Variants in ST3GAL2 observed in about 807,000 individuals in gnomAD.
ST3GAL2 encodes the protein ST3 beta-galactoside alpha-2,3-sialyltransferase 2.
In ST3GAL2, 16 loss-of-function variants were observed where a neutral mutation model predicts 37.5. That is an observed-to-expected ratio of 0.43 (90% CI 0.29 to 0.65). The LOEUF is 0.65. ST3GAL2 is among the 30% of genes least tolerant of loss of function. The pLI, the probability that ST3GAL2 is intolerant of heterozygous loss-of-function variation, is 0.17. For synonymous variants in ST3GAL2, 238 were observed against 202.9 expected (o/e 1.17, Z -1.47); for missense variants, 383 against 487.8 (o/e 0.79, Z 2.02).
At chr16:70,403,232 A>G (rs1019080530) in intron 1 of ST3GAL2, among the ~76,000 whole-genome samples, 3 of 152,018 alleles carry the variant, frequency 2.0e-5, no homozygotes, top group Non-Finnish European at 4.4e-5. Flanking sequence ...GGGGAAGGGA[A>G]GAGGGGAGCA....
chr16:70,395,505 G>A (rs776765711), intron 2 of ST3GAL2, among the ~76,000 whole-genome samples: 7 of 152,182 alleles, frequency 4.6e-5, no homozygotes, highest in Admixed American at 1.3e-4. Context: ...CCTGGGCCAC[G>A]GAGCAGAGCA....
At chr16:70,421,626 T>G (rs1056167966) in intron 1 of ST3GAL2, among the ~76,000 whole-genome samples, 1 of 152,196 alleles carries the variant, frequency 6.6e-6, no homozygotes, top group South Asian at 2.1e-4. Context: ...ATCGCCCACA[T>G]GATGGTGCTA....
Position 70,388,283 on chromosome 16 carries a change from G to C in ST3GAL2, c.713+84C>G, listed in dbSNP as rs1456055835. ...CTCTTGGCCAAAATGTTCAATGAAA[G>C]GAATCCTACAATCTGGCCCCTAGAA... On this transcript the variant is annotated intron_variant, in intron 4 of 6. Coordinates refer to ENST00000342907, the MANE Select transcript of ST3GAL2 (RefSeq NM_006927.4). The C allele has an allele frequency of 1.2e-5, 19 of 1,557,298 alleles. No individual in the cohort carries two copies. The East Asian group carries it at 3.4e-4, about 28-fold the overall frequency.
intron 1 of ST3GAL2, among the ~76,000 whole-genome samples, chr16:70,403,637 C>A (rs1296839050): frequency 6.6e-6 from 1 of 152,188 alleles, no homozygotes; most frequent in Non-Finnish European, 1.5e-5. Context: ...CATGGCGAAA[C>A]CCCATCTCTA....
At position 70,403,743 on chromosome 16, in the gene ST3GAL2, T is replaced by A. The variant is rs538028330; in HGVS notation, c.-1003-4210A>T. ...CAGGAGAATTGCTTGAACCAGGGAG[T>A]CAGAGGTTGTGTGAGCTGAGATTGC... On this transcript the variant is annotated intron_variant, in intron 1 of 6. Transcript: ENST00000342907. 2.0e-4 allele frequency among the ~76,000 whole-genome samples: 30 copies of A among 151,816 alleles called. 1 individual carries two copies. Among genetic ancestry groups the A allele is most frequent in the South Asian group, 8.3e-4 (4 of 4,796 alleles).
chr16:70,428,434 T>C (rs2047766093), intron 1 of ST3GAL2, among the ~76,000 whole-genome samples: 1 of 152,212 alleles, frequency 6.6e-6, no homozygotes, highest in South Asian at 2.1e-4. Context: ...TTGGCAGCCT[T>C]GCAGCCTGTG....
intron 1 of ST3GAL2, among the ~76,000 whole-genome samples, chr16:70,414,138 T>A (rs1242657646): frequency 6.6e-6 from 1 of 152,234 alleles, no homozygotes; most frequent in Non-Finnish European, 1.5e-5. Flanking sequence ...CTGGATGAAT[T>A]GGATTTAACT....
chr16:70,407,767 G>A (rs2047602637), intron 1 of ST3GAL2, among the ~76,000 whole-genome samples: 1 of 152,184 alleles, frequency 6.6e-6, no homozygotes. Context: ...GAGAACAGCA[G>A]GGACTGTTTT....
At chr16:70,419,793 C>T (rs2047701264) in intron 1 of ST3GAL2, among the ~76,000 whole-genome samples, 1 of 152,208 alleles carries the variant, frequency 6.6e-6, no homozygotes, top group Admixed American at 6.5e-5. Flanking sequence ...GACCTCGCCT[C>T]CTCCACCGGG....
Position 70,405,561 on chromosome 16 carries a change from A to C in ST3GAL2, c.-1003-6028T>G, listed in dbSNP as rs530908137. 2.7e-5 allele frequency among the ~76,000 whole-genome samples: 4 copies of C among 150,314 alleles called. No individual in the cohort carries two copies. The East Asian group carries it at 7.8e-4, about 29-fold the overall frequency. ...GTCTTAAAAAAAAAAAAAAAAAAAAAAAAAAGGAAAAAAAGGAATAAGGCA... is the reference window on the plus strand; with the variant it reads ...GTCTTAAAAAAAAAAAAAAAAAAAACAAAAAGGAAAAAAAGGAATAAGGCA... On this transcript the variant is annotated intron_variant, in intron 1 of 6. Transcript: ENST00000342907.
At position 70,381,511 on chromosome 16, in the gene ST3GAL2, G is replaced by T; in HGVS notation, c.*178C>A. The T allele has an allele frequency of 1.4e-6, 1 of 712,864 alleles. No homozygotes were observed. Among genetic ancestry groups the T allele is most frequent in the Non-Finnish European group, 2.3e-6 (1 of 443,972 alleles). 44.2% of individuals were successfully genotyped at this position (712,864 alleles called of 1,614,324 possible). ...ATTGGCTGGGAGAAACAGAAGCTCC[G>T]CCCGACCGCAGCGCAGATTGGTGCC... On this transcript the variant is annotated 3_prime_UTR_variant, in exon 7 of 7. Transcript: ENST00000342907.
intron 1 of ST3GAL2, among the ~76,000 whole-genome samples, chr16:70,410,017 G>A (rs1597568586): frequency 6.6e-6 from 1 of 151,164 alleles, no homozygotes; most frequent in Admixed American, 6.6e-5. Flanking sequence ...TCCTCCCAAC[G>A]TGGCCTCCCA....
intron 4 of ST3GAL2, among the ~76,000 whole-genome samples, chr16:70,383,625 AAAGGAAAAG>A (rs918178438): frequency 3.3e-5 from 5 of 149,452 alleles, no homozygotes; most frequent in African/African-American, 1.3e-4. Context: ...GGGAAAGGAG[AAAGGAAAAG>A]AAGGGAAAGG....
intron 1 of ST3GAL2, among the ~76,000 whole-genome samples, chr16:70,425,668 G>A (rs1273469859): frequency 1.3e-5 from 2 of 151,866 alleles, no homozygotes; most frequent in Admixed American, 6.6e-5. Flanking sequence ...GCAGTGAACC[G>A]AGACCGCTCC....
intron 1 of ST3GAL2, among the ~76,000 whole-genome samples, chr16:70,424,251 T>C (rs2047735584): frequency 7.2e-6 from 1 of 139,096 alleles, no homozygotes. Context: ...TGCCTCGGCC[T>C]CCCAAAGTGC....
At chr16:70,434,610 G>GT (rs199524848) in intron 1 of ST3GAL2, among the ~76,000 whole-genome samples, 5,226 of 152,260 alleles carry the variant, frequency 0.034, 308 homozygotes, top group African/African-American at 0.12. Context: ...GGTAAGTTCT[G>GT]TAAGTCTCAG....
Position 70,412,952 on chromosome 16 carries a change from G to A in ST3GAL2, c.-1003-13419C>T, listed in dbSNP as rs369169267. 1.1e-3 allele frequency among the ~76,000 whole-genome samples: 171 copies of A among 151,644 alleles called. 1 individual carries two copies. The highest frequency in any genetic ancestry group is 3.6e-3 in the African/African-American group (148 of 41,346). ...TCCCAGAAAGTCAAGACGCTAAGGCGAAAGGTTGGCTTGAGGCTGGGCACG... is the reference window on the plus strand; with the variant it reads ...TCCCAGAAAGTCAAGACGCTAAGGCAAAAGGTTGGCTTGAGGCTGGGCACG... On this transcript the variant is annotated intron_variant, in intron 1 of 6. Transcript: ENST00000342907.
rs776460721 is a variant in ST3GAL2 at position 70,388,446 on chromosome 16, C to T, written c.634G>A (p.Val212Ile). The T allele has an allele frequency of 6.8e-6, 11 of 1,614,004 alleles. No homozygotes were observed. Among genetic ancestry groups the T allele is most frequent in the East Asian group, 4.5e-5 (2 of 44,882 alleles). ...TTGAAGGGCACCAGCACGAAGCTGA[C>T]GTTGGCGGGCAGGTTCTTGGCACTC... ...PESAKNLPAN[V>I]SFVLVPFKVL... Residue 212 changes from valine to isoleucine, a missense_variant, in exon 4 of 7, where the codon GTC becomes ATC. Physicochemically the swap from Val to Ile is conservative, Grantham distance 29 (BLOSUM62 3). Around this residue, in one of 2 missense-constraint regions of ST3GAL2, gnomAD observed 160 missense variants for 248.6 expected, o/e 0.64. Transcript: ENST00000342907.
At chr16:70,407,100 G>T (rs2047597729) in intron 1 of ST3GAL2, among the ~76,000 whole-genome samples, 1 of 151,892 alleles carries the variant, frequency 6.6e-6, no homozygotes, top group African/African-American at 2.4e-5. Context: ...AAAAGAGAAA[G>T]GGAGTAACTA....
Sources: allele counts gnomAD v4.1 joint callset (sites outside exome capture counted in the v4.1 genomes callset), GRCh38; gene constraint gnomAD v4.1.1; regional missense constraint gnomAD v4.1.1; transcripts MANE v1.5; gene names NCBI Gene and HGNC (gene_info 2026-07-23, HGNC 2026-07-21).